Variants in ARHGAP31 observed in about 807,000 individuals in gnomAD.
ARHGAP31 encodes the protein Rho GTPase activating protein 31.
ARHGAP31 carries 34 observed loss-of-function variants against 113.9 expected under a neutral mutation model. The ratio of observed to expected loss-of-function variants is 0.30; its 90% CI spans 0.23 to 0.40. The LOEUF is 0.40. Ranked by LOEUF, ARHGAP31 falls within the 10% of genes least tolerant of loss-of-function variation. The pLI is 1.00. For synonymous variants in ARHGAP31, 650 were observed against 684.8 expected (o/e 0.95, Z 0.79); for missense variants, 1,548 against 1,767.1 (o/e 0.88, Z 2.22).
At chr3:119,408,801 CTT>C (rs2080688243) in intron 10 of ARHGAP31, among the ~76,000 whole-genome samples, 1 of 152,158 alleles carries the variant, frequency 6.6e-6, no homozygotes, top group African/African-American at 2.4e-5. Context: ...AGAGGCCAAA[CTT>C]GAGATCTGCC....
rs546443745 is a variant in ARHGAP31, at chr3:119,417,378, G to A, written c.*1114G>A. 1 of 152,344 alleles carries A rather than the reference G, an allele frequency of 6.6e-6. No homozygotes were observed. The highest frequency in any genetic ancestry group is 1.5e-5 in the Non-Finnish European group (1 of 68,068). The allele number at this position is 152,344 out of a possible 1,614,324, so 9.4% of individuals were successfully genotyped here. On this transcript the variant is annotated 3_prime_UTR_variant, in exon 12 of 12. Coordinates refer to ENST00000264245, the MANE Select transcript of ARHGAP31 (RefSeq NM_020754.4). ...CGGCCATCACAACCACTCACTGAGAGTTGCCCTTCTTAAAAATGTATTTTA... is the reference window on the plus strand; with the variant it reads ...CGGCCATCACAACCACTCACTGAGAATTGCCCTTCTTAAAAATGTATTTTA...
chr3:119,327,011 C>T (rs977819972), intron 1 of ARHGAP31, among the ~76,000 whole-genome samples: 4 of 151,392 alleles, frequency 2.6e-5, no homozygotes, highest in African/African-American at 7.3e-5. Flanking sequence ...CATGGTGGCA[C>T]GCGCCTGTAG....
intron 3 of ARHGAP31, among the ~76,000 whole-genome samples, chr3:119,369,898 A>G (rs769893001): frequency 4.6e-5 from 7 of 152,122 alleles, no homozygotes; most frequent in Non-Finnish European, 7.4e-5. Context: ...ATATATACTT[A>G]AAGAATTTAA....
At chr3:119,362,848 A>G (rs553795652) in intron 1 of ARHGAP31, among the ~76,000 whole-genome samples, 1 of 152,048 alleles carries the variant, frequency 6.6e-6, no homozygotes, top group South Asian at 2.1e-4. Context: ...TCAAGTGCCC[A>G]TTGGATGGGA....
At position 119,416,163 on chromosome 3, in the gene ARHGAP31, C is replaced by A; in HGVS notation, c.4234C>A (p.Pro1412Thr). Residue 1412 changes from proline (P) to threonine (T), a missense_variant, in exon 12 of 12, where the codon CCT (proline) becomes ACT (threonine). By Grantham distance (38) the Pro-to-Thr change is conservative (BLOSUM62 -1). Coordinates refer to ENST00000264245, the MANE Select transcript of ARHGAP31 (RefSeq NM_020754.4). ...GVTLRNKMTI[P>T]KNGQRLETST... ...TACACTTAGGAATAAAATGACCATC[C>A]CTAAGAATGGCCAGAGACTAGAGAC... is the stretch of plus-strand genomic sequence containing the variant. The A allele has an allele frequency of 1.9e-5, 30 of 1,614,166 alleles. No homozygotes were observed. Among genetic ancestry groups the A allele is most frequent in the Non-Finnish European group, 2.5e-5 (30 of 1,180,024 alleles).
intron 1 of ARHGAP31, among the ~76,000 whole-genome samples, chr3:119,315,023 C>T (rs1038513787): frequency 4.6e-5 from 7 of 152,218 alleles, no homozygotes; most frequent in African/African-American, 1.7e-4. Flanking sequence ...CTCCCCCAAG[C>T]CCTGACAGCT....
rs866202222 is a variant in ARHGAP31 at position 119,294,423 on chromosome 3, T to C, written c.-482T>C. 3.0e-5 allele frequency: 12 copies of C among 402,280 alleles called. No homozygotes were observed. The highest frequency in any genetic ancestry group is 4.4e-5 in the Admixed American group (1 of 22,786). 24.9% of individuals were successfully genotyped at this position (402,280 alleles called of 1,614,324 possible). A position where few individuals can be genotyped will look rare whatever the true frequency, so the allele number is the denominator to read the frequency against. ...GGCAGCAGCGACAGGATGCTTGTTT[T>C]TCGCTCTACCAAAGTCGTCTGAAGG... On this transcript the variant is annotated 5_prime_UTR_variant, in exon 1 of 12. Coordinates refer to ENST00000264245, the MANE Select transcript of ARHGAP31 (RefSeq NM_020754.4).
chr3:119,346,762 G>A (rs1233046967), intron 1 of ARHGAP31, among the ~76,000 whole-genome samples: 1 of 152,166 alleles, frequency 6.6e-6, no homozygotes, highest in African/African-American at 2.4e-5. Flanking sequence ...AGAGAAAAAA[G>A]GAAATCTTAA....
At position 119,375,467 on chromosome 3, in the gene ARHGAP31, G is replaced by A. The variant is rs537687508; in HGVS notation, c.349-5437G>A. 4.6e-5 allele frequency among the ~76,000 whole-genome samples: 7 copies of A among 152,194 alleles called. No homozygotes were observed. In the East Asian group the frequency reaches 1.2e-3, roughly 25 times the overall value. ...AGATACCCATGACTGCATTTAGGACGCACCCAGATAATCGAGGATAATGTC... is the reference window on the plus strand; with the variant it reads ...AGATACCCATGACTGCATTTAGGACACACCCAGATAATCGAGGATAATGTC... On this transcript the variant is annotated intron_variant, in intron 3 of 11. Transcript: ENST00000264245.
chr3:119,342,722 G>T (rs547129104), intron 1 of ARHGAP31, among the ~76,000 whole-genome samples: 1 of 152,198 alleles, frequency 6.6e-6, no homozygotes, highest in African/African-American at 2.4e-5. Context: ...GGCCAAGGTG[G>T]GCGGATCACC....
chr3:119,339,181 A>G (rs980468021), intron 1 of ARHGAP31, among the ~76,000 whole-genome samples: 11 of 152,226 alleles, frequency 7.2e-5, no homozygotes, highest in African/African-American at 2.7e-4. Context: ...AACACACAGC[A>G]TGAGTGGGAA....
At chr3:119,380,530 C>G (rs1394954284) in intron 3 of ARHGAP31, among the ~76,000 whole-genome samples, 1 of 152,058 alleles carries the variant, frequency 6.6e-6, no homozygotes, top group Non-Finnish European at 1.5e-5. Flanking sequence ...GGATAACAGG[C>G]ATGCGCCACC....
intron 3 of ARHGAP31, among the ~76,000 whole-genome samples, chr3:119,377,311 A>G (rs1307530857): frequency 6.6e-6 from 1 of 152,146 alleles, no homozygotes; most frequent in African/African-American, 2.4e-5. Context: ...GATAAGTACT[A>G]TGAAGAAAAA....
At chr3:119,358,277 G>A (rs2080176258) in intron 1 of ARHGAP31, among the ~76,000 whole-genome samples, 1 of 152,142 alleles carries the variant, frequency 6.6e-6, no homozygotes, top group Non-Finnish European at 1.5e-5. Context: ...ATTGTTATCA[G>A]GGAAATGCAA....
At chr3:119,360,192 G>A (rs532205972) in intron 1 of ARHGAP31, among the ~76,000 whole-genome samples, 72 of 152,246 alleles carry the variant, frequency 4.7e-4, no homozygotes, top group African/African-American at 1.7e-3. Flanking sequence ...TCACCCAGCC[G>A]AGTGTCTTTG....
At chr3:119,413,232 G>A (rs1189176722) in intron 11 of ARHGAP31, among the ~76,000 whole-genome samples, 3 of 150,362 alleles carry the variant, frequency 2.0e-5, no homozygotes, top group Admixed American at 6.7e-5. Context: ...CAGAAGAATC[G>A]TGTGAACCCA....
intron 1 of ARHGAP31, 120 bp downstream of exon 1, chr3:119,295,124 C>A: frequency 6.9e-6 from 6 of 863,356 alleles, no homozygotes; most frequent in Non-Finnish European, 1.1e-5. Flanking sequence ...CCTGTGCGCT[C>A]ATTGCACTTT....
intron 1 of ARHGAP31, among the ~76,000 whole-genome samples, chr3:119,359,548 G>T (rs2080187649): frequency 6.6e-6 from 1 of 151,858 alleles, no homozygotes; most frequent in Non-Finnish European, 1.5e-5. Flanking sequence ...GAAAAGAGTA[G>T]AAAGAAGTTA....
At chr3:119,315,591 T>C (rs1383032124) in intron 1 of ARHGAP31, among the ~76,000 whole-genome samples, 1 of 152,216 alleles carries the variant, frequency 6.6e-6, no homozygotes, top group Non-Finnish European at 1.5e-5. Flanking sequence ...AAGGCCTCGC[T>C]AAGACATCAG....
Sources: allele counts gnomAD v4.1 joint callset (sites outside exome capture counted in the v4.1 genomes callset), GRCh38; gene constraint gnomAD v4.1.1; transcripts MANE v1.5; gene names NCBI Gene and HGNC (gene_info 2026-07-23, HGNC 2026-07-21).